PLCL2: variants seen among roughly 807,000 people sequenced by gnomAD.
PLCL2 encodes phospholipase C like 2.
PLCL2 carries 4 observed loss-of-function variants against 79.6 expected under a neutral mutation model. That is an observed-to-expected ratio of 0.05 (90% CI 0.02 to 0.11). The LOEUF is 0.11. Ranked by LOEUF, PLCL2 falls within the 10% of genes least tolerant of loss-of-function variation. PLCL2 has a pLI of 1.00. For missense variants in PLCL2, 895 were observed against 1,291.0 expected (o/e 0.69, Z 4.70); for synonymous variants, 484 against 457.7 (o/e 1.06, Z -0.73).
At position 17,011,214 on chromosome 3, in the gene PLCL2, G is replaced by A. The variant is rs1233114709; in HGVS notation, c.1868G>A (p.Ser623Asn). 1 of 1,614,088 alleles carries A rather than the reference G, an allele frequency of 6.2e-7. No individual in the cohort carries two copies. Among genetic ancestry groups the A allele is most frequent in the Non-Finnish European group, 8.5e-7 (1 of 1,180,040 alleles). Residue 623 changes from serine to asparagine, a missense_variant, in exon 2 of 6, where the codon AGC becomes AAC. Transcript: ENST00000615277. The surrounding 1 kb of genome is among the most constrained non-coding windows in gnomAD (Gnocchi z 7.9). Reference protein sequence around the residue: ...QLCKELSELVSICKSVQFKEF... With the variant: ...QLCKELSELVNICKSVQFKEF... ...TGTAAAGAACTGTCTGAACTGGTCA[G>A]CATCTGCAAATCAGTTCAGTTCAAA...
At chr3:16,972,023 C>T (rs542589011) in intron 1 of PLCL2, among the ~76,000 whole-genome samples, 9 of 152,038 alleles carry the variant, frequency 5.9e-5, no homozygotes, top group East Asian at 1.9e-4. Flanking sequence ...ATTGATGGGA[C>T]GTATCTCAAA....
intron 3 of PLCL2, among the ~76,000 whole-genome samples, chr3:17,032,322 C>A (rs1012291971): frequency 1.3e-5 from 2 of 152,044 alleles, no homozygotes; most frequent in Admixed American, 1.3e-4. Context: ...CCTTTTAAAT[C>A]TAAGTTTGGT....
chr3:17,069,544 C>T (rs182145870), intron 5 of PLCL2, among the ~76,000 whole-genome samples: 1 of 152,248 alleles, frequency 6.6e-6, no homozygotes, highest in East Asian at 1.9e-4. Flanking sequence ...AACCGTGAGC[C>T]TGCTTCTTTA....
chr3:16,927,215 C>T (rs1191386048), intron 1 of PLCL2, among the ~76,000 whole-genome samples: 2 of 152,084 alleles, frequency 1.3e-5, no homozygotes, highest in Non-Finnish European at 2.9e-5. Context: ...TTGCAAAACA[C>T]CTGATGCACA....
chr3:17,064,800 G>A lies in PLCL2; in HGVS notation c.3095-3156G>A, dbSNP rs566755924. On this transcript the variant is annotated intron_variant, in intron 4 of 5. Coordinates refer to ENST00000615277, the MANE Select transcript of PLCL2 (RefSeq NM_001144382.2). The stretch of plus-strand genomic sequence containing the variant: ...AAAAATTAGCCACGTGTGGTGGCAC[G>A]TGCCTGTAATCCCAGCTACTTGGGA... 4.6e-5 allele frequency among the ~76,000 whole-genome samples: 7 copies of A among 151,828 alleles called. No individual in the cohort carries two copies. The East Asian group carries it at 1.2e-3, about 25-fold the overall frequency.
chr3:17,086,147 GAGA>G (rs1163653986), intron 5 of PLCL2, among the ~76,000 whole-genome samples: 1 of 152,130 alleles, frequency 6.6e-6, no homozygotes, highest in Non-Finnish European at 1.5e-5. Flanking sequence ...AATATTAAAG[GAGA>G]AGAATAAAAT....
At position 17,037,040 on chromosome 3, in the gene PLCL2, T is replaced by G. The variant is rs78043890; in HGVS notation, c.3019-5834T>G. Among the ~76,000 whole-genome samples the G allele has an allele frequency of 3.8e-3, 577 of 152,356 alleles. 6 individuals are homozygous for G. The highest frequency in any genetic ancestry group is 0.013 in the African/African-American group (546 of 41,592). ...ACTTGAATTTTGAAGGGGACACATTTAAACCATAACAGAGGCTGCCATTCA... is the reference window on the plus strand; with the variant it reads ...ACTTGAATTTTGAAGGGGACACATTGAAACCATAACAGAGGCTGCCATTCA... On this transcript the variant is annotated intron_variant, in intron 3 of 5. Coordinates refer to ENST00000615277, the MANE Select transcript of PLCL2 (RefSeq NM_001144382.2).
At chr3:16,932,212 G>T (rs761911718) in intron 1 of PLCL2, among the ~76,000 whole-genome samples, 8 of 152,110 alleles carry the variant, frequency 5.3e-5, no homozygotes, top group Non-Finnish European at 1.0e-4. Context: ...TATTTCTTAG[G>T]CCTGGATTTG....
intron 2 of PLCL2, among the ~76,000 whole-genome samples, chr3:17,013,967 G>A (rs1024901550): frequency 2.2e-4 from 34 of 152,216 alleles, no homozygotes; most frequent in Non-Finnish European, 4.4e-5. Flanking sequence ...GGATTAAATG[G>A]AAGTAATGTG....
chr3:17,004,530 CT>C (rs1458818305), intron 1 of PLCL2, among the ~76,000 whole-genome samples: 1 of 152,074 alleles, frequency 6.6e-6, no homozygotes, highest in Admixed American at 6.6e-5. Flanking sequence ...TTATTTTATT[CT>C]TTTTCATTTC....
At chr3:16,948,917 G>A (rs890187850) in intron 1 of PLCL2, among the ~76,000 whole-genome samples, 1 of 152,182 alleles carries the variant, frequency 6.6e-6, no homozygotes, top group Non-Finnish European at 1.5e-5. Context: ...ACTTTGCTGT[G>A]CATTGTCTCG....
chr3:16,884,990 A>T lies in PLCL2; in HGVS notation c.-50A>T, dbSNP rs1559474630. On this transcript the variant is annotated 5_prime_UTR_variant, in exon 1 of 6. Coordinates refer to ENST00000615277, the MANE Select transcript of PLCL2 (RefSeq NM_001144382.2). The surrounding 1 kb of genome is among the most constrained non-coding windows in gnomAD (Gnocchi z 9.3). ...GCGGCGGCCCGAGGCGGCGGCGGGG[A>T]CGCGGGGACGCGAGGACGCGGCTTT... The T allele has an allele frequency of 5.1e-6, 1 of 194,848 alleles. No homozygotes were observed. Among genetic ancestry groups the T allele is most frequent in the African/African-American group, 2.5e-5 (1 of 39,812 alleles). The allele number at this position is 194,848 out of a possible 1,614,324, so 12.1% of individuals were successfully genotyped here. A position where few individuals can be genotyped will look rare whatever the true frequency, so the allele number is the denominator to read the frequency against.
At chr3:17,077,612 G>A (rs2065120254) in intron 5 of PLCL2, among the ~76,000 whole-genome samples, 1 of 152,162 alleles carries the variant, frequency 6.6e-6, no homozygotes, top group Admixed American at 6.5e-5. Context: ...TCACTGTACT[G>A]GTGGTAATTT....
Position 17,011,876 on chromosome 3 carries a change from C to T in PLCL2, c.2530C>T (p.Gln844Ter). 1 of 1,614,220 alleles carries T rather than the reference C, an allele frequency of 6.2e-7. No individual in the cohort carries two copies. Among genetic ancestry groups the T allele is most frequent in the Non-Finnish European group, 8.5e-7 (1 of 1,180,032 alleles). ...CTACATTGGGGATGAATTCATCGGC[C>T]AGTACACAATTCCCTTTGAATGTTT... ...DDYIGDEFIG[Q>*]YTIPFECLQT... Residue 844 changes from glutamine to a stop codon, truncating the protein, a stop_gained, in exon 2 of 6, where the codon CAG (glutamine) becomes TAG (stop). Transcript: ENST00000615277. LOFTEE classifies it high-confidence loss of function. This position sits in a 1 kb window ranked among gnomAD's most constrained non-coding sequence, Gnocchi z 7.9.
chr3:16,958,890 T>C (rs1216358414), intron 1 of PLCL2, among the ~76,000 whole-genome samples: 1 of 152,242 alleles, frequency 6.6e-6, no homozygotes, highest in Non-Finnish European at 1.5e-5. Context: ...GGCTGGATCC[T>C]ATGACTGTTG....
intron 1 of PLCL2, among the ~76,000 whole-genome samples, chr3:16,919,690 A>G (rs917554666): frequency 1.3e-5 from 2 of 152,150 alleles, no homozygotes; most frequent in Non-Finnish European, 2.9e-5. Flanking sequence ...TAGTTGGCCT[A>G]CAGAAAAAGT....
chr3:16,914,600 A>G (rs925659513), intron 1 of PLCL2, among the ~76,000 whole-genome samples: 2 of 151,692 alleles, frequency 1.3e-5, no homozygotes, highest in Non-Finnish European at 2.9e-5. Context: ...TAGATTTGGT[A>G]AACTTTGGTT....
chr3:16,894,720 C>T (rs2124916438), intron 1 of PLCL2, among the ~76,000 whole-genome samples: 1 of 151,996 alleles, frequency 6.6e-6, no homozygotes, highest in South Asian at 2.1e-4. Context: ...AACATCTTTT[C>T]ATATGTTTCT....
At chr3:16,952,064 T>C (rs942630619) in intron 1 of PLCL2, among the ~76,000 whole-genome samples, 6 of 151,918 alleles carry the variant, frequency 3.9e-5, no homozygotes, top group Admixed American at 3.9e-4. Context: ...CTTACAAATA[T>C]ATCATCCATT....
Sources: allele counts gnomAD v4.1 joint callset (sites outside exome capture counted in the v4.1 genomes callset), GRCh38; gene constraint gnomAD v4.1.1; non-coding constraint Gnocchi (gnomAD v3.1); transcripts MANE v1.5; gene names NCBI Gene and HGNC (gene_info 2026-07-23, HGNC 2026-07-21).